Variants in TRAF6 observed in about 807,000 individuals in gnomAD.
TRAF6 encodes the protein TNF receptor-associated factor 6.
TRAF6 carries 10 observed loss-of-function variants against 48.4 expected under a neutral mutation model. The ratio of observed to expected loss-of-function variants is 0.21; its 90% CI spans 0.13 to 0.35. The LOEUF is 0.35. TRAF6 is among the 10% of genes least tolerant of loss of function. TRAF6 has a pLI of 1.00. For synonymous variants in TRAF6, 186 were observed against 219.6 expected (o/e 0.85, Z 1.35); for missense variants, 397 against 661.0 (o/e 0.60, Z 4.38).
At chr11:36,494,864 ACTT>A (rs1228281407) in intron 5 of TRAF6, 109 bp downstream of exon 5, 6 of 711,928 alleles carry the variant, frequency 8.4e-6, no homozygotes, top group Admixed American at 6.0e-5. Context: ...CAGCTCTAAT[ACTT>A]CTTCAATCTG....
In TRAF6 at chr11:36,497,247, T is replaced by C. The variant is rs767175873; in HGVS notation, c.467A>G (p.Glu156Gly). The change falls in exon 4 of 7, where the codon GAG becomes GGG. Residue 156 changes from glutamate (E) to glycine (G), a missense_variant. Physicochemically the swap from Glu to Gly is moderately conservative, Grantham distance 98 (BLOSUM62 -2). Transcript: ENST00000526995. ...RHLEDHQAHC[E>G]FALMDCPQCQ... ...TTGGGGACAATCCATAAGAGCAAAC[T>C]CACAATGTGCTTGATGATCCTATAA... is the stretch of plus-strand genomic sequence containing the variant. 21 of 1,607,382 alleles carry C rather than the reference T, an allele frequency of 1.3e-5. No homozygotes were observed. Among genetic ancestry groups the C allele is most frequent in the Non-Finnish European group, 1.4e-5 (17 of 1,178,606 alleles).
rs993923739 is a variant in TRAF6, at chr11:36,487,907, T to G, written c.*1931A>C. ...TGTTTTGTGGCAACATTTAATTTTT[T>G]TCTCCGATAAAAGTACACATTTATT... On this transcript the variant is annotated 3_prime_UTR_variant, in exon 7 of 7. Coordinates refer to ENST00000526995, the MANE Select transcript of TRAF6 (RefSeq NM_004620.4). 3 of 152,228 alleles carry G rather than the reference T, an allele frequency of 2.0e-5. No homozygotes were observed. Among genetic ancestry groups the G allele is most frequent in the Non-Finnish European group, 4.4e-5 (3 of 68,042 alleles). The allele number at this position is 152,228 out of a possible 1,614,324, so 9.4% of individuals were successfully genotyped here. A position where few individuals can be genotyped will look rare whatever the true frequency, so the allele number is the denominator to read the frequency against.
intron 1 of TRAF6, among the ~76,000 whole-genome samples, chr11:36,506,590 C>T (rs551044614): frequency 3.3e-5 from 5 of 152,270 alleles, no homozygotes; most frequent in African/African-American, 1.2e-4. Flanking sequence ...ATAGTCTATA[C>T]ACTGCCTGCT....
intron 4 of TRAF6, among the ~76,000 whole-genome samples, chr11:36,495,618 G>T (rs1172262102): frequency 2.6e-5 from 4 of 152,126 alleles, no homozygotes; most frequent in African/African-American, 9.7e-5. Context: ...GTCGGGCCGG[G>T]CGTGGTGGCT....
In TRAF6 at chr11:36,485,225, C is replaced by T. The variant is rs114920889; in HGVS notation, c.*4613G>A. On this transcript the variant is annotated 3_prime_UTR_variant, in exon 7 of 7. Coordinates refer to ENST00000526995, the MANE Select transcript of TRAF6 (RefSeq NM_004620.4). ...TGAAGAAAAAAAGCAAAAAAAGTAA[C>T]ATCTGCGCCTTACCATCTAAAATTT... 3.2e-3 allele frequency among the ~76,000 whole-genome samples: 487 copies of T among 152,254 alleles called. 9 individuals carry two copies. The highest frequency in any genetic ancestry group is 0.011 in the African/African-American group (476 of 41,502).
At position 36,501,476 on chromosome 11, in the gene TRAF6, G is replaced by C; in HGVS notation, c.40C>G (p.Gln14Glu). Residue 14 changes from glutamine to glutamate, a missense_variant, in exon 2 of 7, where the codon CAG becomes GAG. Coordinates refer to ENST00000526995, the MANE Select transcript of TRAF6 (RefSeq NM_004620.4). Reference sequence around the variant, plus strand: ...GCCACACAGCAGTCACTTTCAGACTGGCTGGATCCACAGCTGTTTTCACAG... The same window carrying C: ...GCCACACAGCAGTCACTTTCAGACTCGCTGGATCCACAGCTGTTTTCACAG... Reference protein sequence around the residue: ...LNCENSCGSSQSESDCCVAMA... With the variant: ...LNCENSCGSSESESDCCVAMA... 1 of 1,612,420 alleles carries C rather than the reference G, an allele frequency of 6.2e-7. No homozygotes were observed. The highest frequency in any genetic ancestry group is 8.5e-7 in the Non-Finnish European group (1 of 1,178,710).
At chr11:36,501,759 G>A (rs1381408194) in intron 1 of TRAF6, 2 of 302,404 alleles carry the variant, frequency 6.6e-6, no homozygotes, top group Admixed American at 9.4e-5. Flanking sequence ...TATTATTTGT[G>A]CAAATCACTT....
intron 2 of TRAF6, among the ~76,000 whole-genome samples, chr11:36,500,332 A>T (rs5030447): frequency 0.012 from 1,868 of 152,274 alleles, 31 homozygotes; most frequent in African/African-American, 0.043. Context: ...TTAAGGGGTT[A>T]GCTGTGGCAA....
Position 36,490,722 on chromosome 11 carries a change from A to G in TRAF6, c.757-72T>C. The G allele has an allele frequency of 7.1e-7, 1 of 1,399,156 alleles. No individual in the cohort carries two copies. The highest frequency in any genetic ancestry group is 9.7e-7 in the Non-Finnish European group (1 of 1,032,310). 86.7% of individuals were successfully genotyped at this position (1,399,156 alleles called of 1,614,324 possible). A position where few individuals can be genotyped will look rare whatever the true frequency, so the allele number is the denominator to read the frequency against. On this transcript the variant is annotated intron_variant, in intron 6 of 6. Coordinates refer to ENST00000526995, the MANE Select transcript of TRAF6 (RefSeq NM_004620.4). This position sits in a 1 kb window ranked among gnomAD's most constrained non-coding sequence, Gnocchi z 6.4. The stretch of plus-strand genomic sequence containing the variant: ...AGTAGGAAAAGGACCTGGCCAGGTC[A>G]AATAAGAAGTTTTCAAGTAGTCACA...
At position 36,490,290 on chromosome 11, in the gene TRAF6, C is replaced by T; in HGVS notation, c.1117G>A (p.Val373Ile). The T allele has an allele frequency of 6.2e-7, 1 of 1,614,140 alleles. No homozygotes were observed. The highest frequency in any genetic ancestry group is 8.5e-7 in the Non-Finnish European group (1 of 1,180,022). ...HLKCQEEEKP[V>I]VIHSPGFYTG... Reference sequence around the variant, plus strand: ...TAGAATCCAGGGCTATGAATCACAACAGGTTTCTCCTCTTCTTGACATTTC... The same window carrying T: ...TAGAATCCAGGGCTATGAATCACAATAGGTTTCTCCTCTTCTTGACATTTC... Residue 373 changes from valine (V) to isoleucine (I), a missense_variant, in exon 7 of 7, where the codon GTT (valine) becomes ATT (isoleucine). Physicochemically the swap from Val to Ile is conservative, Grantham distance 29 (BLOSUM62 3). Transcript: ENST00000526995. The surrounding 1 kb of genome is among the most constrained non-coding windows in gnomAD (Gnocchi z 6.4).
intron 6 of TRAF6, 112 bp downstream of exon 6, chr11:36,492,439 C>CT: frequency 1.1e-6 from 1 of 907,714 alleles, no homozygotes; most frequent in Non-Finnish European, 1.7e-6. Context: ...TATTATATCA[C>CT]TTATTACACT....
chr11:36,501,861 G>T lies in TRAF6; in HGVS notation c.-22-324C>A, dbSNP rs183956698. 2.9e-5 allele frequency: 5 copies of T among 171,150 alleles called. No homozygotes were observed. In the Admixed American group the frequency reaches 3.0e-4, roughly 10 times the overall value. The allele number at this position is 171,150 out of a possible 1,614,324, so 10.6% of individuals were successfully genotyped here. On this transcript the variant is annotated intron_variant, in intron 1 of 6. Coordinates refer to ENST00000526995, the MANE Select transcript of TRAF6 (RefSeq NM_004620.4). The stretch of plus-strand genomic sequence containing the variant: ...TTAAAAAAGGAGAAGCACCTCAGTT[G>T]TAATACTCTTCTATATCACAATTAT...
Position 36,488,971 on chromosome 11 carries a change from G to T in TRAF6, c.*867C>A, listed in dbSNP as rs1166279329. ...ACTTTTAATTTTTATGTTGCTGATTGTATGTGTGCATCTCCTGTCTTGTAA... is the reference window on the plus strand; with the variant it reads ...ACTTTTAATTTTTATGTTGCTGATTTTATGTGTGCATCTCCTGTCTTGTAA... On this transcript the variant is annotated 3_prime_UTR_variant, in exon 7 of 7. Transcript: ENST00000526995. 2.0e-5 allele frequency: 3 copies of T among 152,172 alleles called. No individual in the cohort carries two copies. The highest frequency in any genetic ancestry group is 7.2e-5 in the African/African-American group (3 of 41,450). 9.4% of individuals were successfully genotyped at this position (152,172 alleles called of 1,614,324 possible).
At chr11:36,505,983 T>C (rs537562468) in intron 1 of TRAF6, among the ~76,000 whole-genome samples, 1 of 152,298 alleles carries the variant, frequency 6.6e-6, no homozygotes, top group East Asian at 1.9e-4. Context: ...CAAAGATCGC[T>C]GATCACAGAT....
In TRAF6 at chr11:36,497,131, A is replaced by G. The variant is rs1272594739; in HGVS notation, c.583T>C (p.Ser195Pro). The G allele has an allele frequency of 8.1e-6, 13 of 1,613,536 alleles. No homozygotes were observed. Among genetic ancestry groups the G allele is most frequent in the Non-Finnish European group, 1.0e-5 (12 of 1,179,870 alleles). Residue 195 changes from serine to proline, a missense_variant, in exon 4 of 7, where the codon TCA becomes CCA. Transcript: ENST00000526995. ...RQVSCDNCAA[S>P]MAFEDKEIHD... is the part of the protein sequence containing the mutation. ...GCCTCTTTATCTTCAAATGCCATTG[A>G]TGCAGCACAGTTGTCACAAGAAACC...
At chr11:36,502,706 C>A (rs572788417) in intron 1 of TRAF6, among the ~76,000 whole-genome samples, 43 of 152,220 alleles carry the variant, frequency 2.8e-4, no homozygotes, top group Non-Finnish European at 5.7e-4. Context: ...ACTATTCTGG[C>A]TGGAAACGCA....
chr11:36,497,133 G>A lies in TRAF6; in HGVS notation c.581C>T (p.Ala194Val), dbSNP rs754545305. 12 of 1,613,416 alleles carry A rather than the reference G, an allele frequency of 7.4e-6. No individual in the cohort carries two copies. The highest frequency in any genetic ancestry group is 1.0e-5 in the Non-Finnish European group (12 of 1,179,818). ...CTCTTTATCTTCAAATGCCATTGAT[G>A]CAGCACAGTTGTCACAAGAAACCTG... Reference protein sequence around the residue: ...RRQVSCDNCAASMAFEDKEIH... With the variant: ...RRQVSCDNCAVSMAFEDKEIH... Residue 194 changes from alanine (A) to valine (V), a missense_variant, in exon 4 of 7, where the codon GCA (alanine) becomes GTA (valine). Physicochemically the swap from Ala to Val is moderately conservative, Grantham distance 64. Transcript: ENST00000526995.
chr11:36,488,698 T>C lies in TRAF6; in HGVS notation c.*1140A>G, dbSNP rs941443139. On this transcript the variant is annotated 3_prime_UTR_variant, in exon 7 of 7. Coordinates refer to ENST00000526995, the MANE Select transcript of TRAF6 (RefSeq NM_004620.4). ...ACAGGATCCTTCTCAGAACCTGCAG[T>C]TGTTAGGCTACAGCAACATACTCAA... 34 of 152,298 alleles carry C rather than the reference T, an allele frequency of 2.2e-4. 1 individual carries two copies. Among genetic ancestry groups the C allele is most frequent in the Non-Finnish European group, 5.9e-5 (4 of 68,020 alleles). The allele number at this position is 152,298 out of a possible 1,614,324, so 9.4% of individuals were successfully genotyped here.
chr11:36,500,325 A>C (rs764904639), intron 2 of TRAF6, among the ~76,000 whole-genome samples: 16 of 152,178 alleles, frequency 1.1e-4, no homozygotes, highest in Non-Finnish European at 1.8e-4. Flanking sequence ...GGAAGAGTTA[A>C]GGGGTTAGCT....
Sources: gnomAD v4.1 joint callset for allele counts (sites outside exome capture counted in the v4.1 genomes callset) on GRCh38, gnomAD v4.1.1 for gene constraint, Gnocchi (gnomAD v3.1) non-coding constraint, MANE v1.5 for transcripts, NCBI Gene and HGNC (gene_info 2026-07-23, HGNC 2026-07-21) for gene names.